Variants in SH2D4B observed in about 807,000 individuals in gnomAD.
SH2D4B encodes SH2 domain-containing protein 4B.
A neutral mutation model predicts 61.5 loss-of-function variants in SH2D4B; 45 were observed. The ratio of observed to expected loss-of-function variants is 0.73; its 90% confidence interval spans 0.58 to 0.94. The LOEUF is 0.94. SH2D4B is among the 40% of genes least tolerant of loss of function. The probability of loss-of-function intolerance (pLI) is 0.00; values close to 1 mark genes in which losing one functional copy is unlikely to be tolerated. For synonymous variants in SH2D4B, 224 were observed against 220.4 expected (o/e 1.02, Z -0.14); for missense variants, 572 against 574.2 (o/e 1.00, Z 0.04).
At chr10:80,586,182 C>G (rs57852406) in intron 3 of SH2D4B, among the ~76,000 whole-genome samples, 15,178 of 152,088 alleles carry the variant, frequency 0.1, 891 homozygotes, top group African/African-American at 0.17. Context: ...CCTGTGCCGC[C>G]GAGCCTCCAC....
chr10:80,545,012 ATC>A (rs1445959737), intron 1 of SH2D4B, among the ~76,000 whole-genome samples: 2 of 151,860 alleles, frequency 1.3e-5, no homozygotes, highest in African/African-American at 2.4e-5. Context: ...CCCCATCCCA[ATC>A]TCTCTCTTTC....
At chr10:80,592,624 A>T (rs1197232287) in intron 4 of SH2D4B, among the ~76,000 whole-genome samples, 3 of 152,072 alleles carry the variant, frequency 2.0e-5, no homozygotes, top group African/African-American at 7.2e-5. Flanking sequence ...TGTTGAAAAG[A>T]CTATTCTTTC....
intron 3 of SH2D4B, among the ~76,000 whole-genome samples, chr10:80,578,029 G>A (rs746625161): frequency 7.3e-5 from 11 of 151,494 alleles, no homozygotes; most frequent in Non-Finnish European, 1.3e-4. Context: ...AGAGTGCAGT[G>A]GCACAATCTC....
At chr10:80,627,576 G>A (rs1842778583) in intron 6 of SH2D4B, among the ~76,000 whole-genome samples, 1 of 151,586 alleles carries the variant, frequency 6.6e-6, no homozygotes. Context: ...TGCAGCCACA[G>A]TGCCTGAGCC....
intron 7 of SH2D4B, among the ~76,000 whole-genome samples, chr10:80,638,237 C>T (rs1049835759): frequency 1.3e-5 from 2 of 152,172 alleles, no homozygotes; most frequent in African/African-American, 2.4e-5. Context: ...GGATATTGGT[C>T]TAAAATTCTC....
chr10:80,608,689 C>T (rs1361679135), intron 5 of SH2D4B, among the ~76,000 whole-genome samples: 2 of 152,006 alleles, frequency 1.3e-5, no homozygotes, highest in African/African-American at 4.8e-5. Flanking sequence ...CTCCTCCTCC[C>T]GCCCTCCGTG....
At chr10:80,567,038 CTA>C (rs2132115790) in intron 1 of SH2D4B, among the ~76,000 whole-genome samples, 1 of 152,316 alleles carries the variant, frequency 6.6e-6, no homozygotes, top group South Asian at 2.1e-4. Context: ...TATTACTTAA[CTA>C]TTTCACAGTT....
At chr10:80,561,825 G>GA (rs749600710) in intron 1 of SH2D4B, among the ~76,000 whole-genome samples, 5 of 152,022 alleles carry the variant, frequency 3.3e-5, no homozygotes, top group South Asian at 4.1e-4. Context: ...GAGATTATCT[G>GA]AAAAAAATGA....
At chr10:80,610,834 C>T (rs1263455969) in intron 6 of SH2D4B, among the ~76,000 whole-genome samples, 1 of 152,134 alleles carries the variant, frequency 6.6e-6, no homozygotes, top group Non-Finnish European at 1.5e-5. Flanking sequence ...TTGGTTCAGA[C>T]TTTAGTCTGC....
chr10:80,609,537 C>A lies in SH2D4B; in HGVS notation c.974C>A (p.Ala325Asp). Residue 325 changes from alanine to aspartate, a missense_variant, in exon 6 of 8, where the codon GCC (alanine) becomes GAC (aspartate). Ala to Asp is a moderately radical substitution (Grantham distance 126, BLOSUM62 -2). Transcript: ENST00000646907. ...TTCGAGAGGAACACCAAGTTCATCG[C>A]CCCCTGGTTCCATGGTAGCACCATT... ...AGFERNTKFI[A>D]PWFHGIISRE... is the part of the protein sequence containing the mutation. 1 of 1,614,166 alleles carries A rather than the reference C, an allele frequency of 6.2e-7. No individual in the cohort carries two copies. Among genetic ancestry groups the A allele is most frequent in the Non-Finnish European group, 8.5e-7 (1 of 1,180,014 alleles).
At chr10:80,589,611 A>G (rs1437049427) in intron 4 of SH2D4B, among the ~76,000 whole-genome samples, 4 of 152,228 alleles carry the variant, frequency 2.6e-5, no homozygotes. Context: ...GGGATGAGGA[A>G]TCACGGTGCT....
chr10:80,575,353 T>G (rs1209114654), intron 3 of SH2D4B, among the ~76,000 whole-genome samples: 1 of 152,058 alleles, frequency 6.6e-6, no homozygotes, highest in Non-Finnish European at 1.5e-5. Context: ...GCAAACTATT[T>G]TCTGTAAAGG....
chr10:80,565,698 T>A (rs1313355929), intron 1 of SH2D4B, among the ~76,000 whole-genome samples: 4 of 152,280 alleles, frequency 2.6e-5, no homozygotes, highest in Non-Finnish European at 4.4e-5. Flanking sequence ...TGCCTCCCCA[T>A]CCTTAGCATG....
rs778655117 is a variant in SH2D4B at position 80,570,136 on chromosome 10, CCTT to C, written c.185-12_185-10del. 1.0e-3 allele frequency: 1,657 copies of C among 1,613,866 alleles called. No individual in the cohort carries two copies. Among genetic ancestry groups the C allele is most frequent in the Admixed American group, 1.5e-3 (88 of 59,992 alleles). On this transcript the variant is annotated splice_polypyrimidine_tract_variant and intron_variant, in intron 1 of 7. Coordinates refer to ENST00000646907, the MANE Select transcript of SH2D4B (RefSeq NM_001388272.1). ...TTGAAAATCAAACTTGTTTCTTCTTCCTTCTTCTATTGTGAAGCAGCGAGTGAC... is the reference window on the plus strand; with the variant it reads ...TTGAAAATCAAACTTGTTTCTTCTTCCTTCTATTGTGAAGCAGCGAGTGAC...
chr10:80,559,760 C>T (rs945892168), intron 1 of SH2D4B, among the ~76,000 whole-genome samples: 7 of 151,256 alleles, frequency 4.6e-5, no homozygotes, highest in African/African-American at 1.7e-4. Flanking sequence ...GCCTAAGCCT[C>T]CCGAGTAGCT....
At chr10:80,564,062 A>G (rs1285347541) in intron 1 of SH2D4B, among the ~76,000 whole-genome samples, 2 of 152,222 alleles carry the variant, frequency 1.3e-5, no homozygotes, top group African/African-American at 4.8e-5. Flanking sequence ...TGATGGTTAC[A>G]GGTATTTAAA....
At chr10:80,637,769 C>G (rs1334938950) in intron 7 of SH2D4B, among the ~76,000 whole-genome samples, 3 of 152,136 alleles carry the variant, frequency 2.0e-5, no homozygotes, top group Non-Finnish European at 4.4e-5. Context: ...TAATTGAATA[C>G]CCTTTATTTC....
chr10:80,637,622 T>G (rs1400460492), intron 7 of SH2D4B, among the ~76,000 whole-genome samples: 1 of 152,262 alleles, frequency 6.6e-6, no homozygotes, highest in Non-Finnish European at 1.5e-5. Flanking sequence ...TTGTGATTTT[T>G]GCACATTGAT....
intron 1 of SH2D4B, among the ~76,000 whole-genome samples, chr10:80,563,697 C>G (rs1841934476): frequency 6.6e-6 from 1 of 151,960 alleles, no homozygotes. Context: ...AGATATAACC[C>G]ACAACAACAG....
Sources: allele counts gnomAD v4.1 joint callset (sites outside exome capture counted in the v4.1 genomes callset), GRCh38; gene constraint gnomAD v4.1.1; transcripts MANE v1.5; gene names NCBI Gene and HGNC (gene_info 2026-07-23, HGNC 2026-07-21).